GPX4: variants seen among roughly 807,000 people sequenced by gnomAD.
The protein encoded by GPX4 is glutathione peroxidase 4, also known as phospholipid hydroperoxide glutathione peroxidase GPX4.
In GPX4, 28 loss-of-function variants were observed where a neutral mutation model predicts 27.8. The observed-to-expected ratio is 1.01, with a 90% confidence interval of 0.75 to 1.38. The LOEUF (loss-of-function observed/expected upper bound fraction) is 1.38, where lower values mean the gene tolerates loss of function less well. Ranked by LOEUF, GPX4 falls within the 40% of genes most tolerant of loss-of-function variation. The pLI is 0.00. For missense variants in GPX4, 357 were observed against 274.1 expected (o/e 1.30, Z -2.14); for synonymous variants, 163 against 107.8 (o/e 1.51, Z -3.17).
At chr19:1,104,217 A>T in intron 1 of GPX4, 90 bp downstream of exon 1, 1 of 1,168,998 alleles carries the variant, frequency 8.6e-7, no homozygotes, top group Non-Finnish European at 1.1e-6. Flanking sequence ...GGGAACCCTC[A>T]GGCTCCAGTG....
intron 1 of GPX4, chr19:1,104,910 G>A (rs1324452027): frequency 7.1e-7 from 1 of 1,411,344 alleles, no homozygotes; most frequent in Non-Finnish European, 9.3e-7. Context: ...ATCCACGAAT[G>A]TCCCAAGTCC....
chr19:1,105,858 G>GGGGGGGGGC, intron 4 of GPX4, 49 bp downstream of exon 4: 1 of 613,746 alleles, frequency 1.6e-6, no homozygotes, highest in Non-Finnish European at 2.8e-6. Flanking sequence ...GGGTGGGGGG[G>GGGGGGGGGC]CTGCTGGGAT....
Position 1,103,999 on chromosome 19 carries a change from T to C in GPX4, c.-45T>C. ...CGGAAAGCCGACGCGCGTCCATTGG[T>C]CGGCTGGACGAGGGGAGGAGCCGCT... On this transcript the variant is annotated 5_prime_UTR_variant, in exon 1 of 7. Coordinates refer to ENST00000354171, the MANE Select transcript of GPX4 (RefSeq NM_002085.5). 2.0e-6 allele frequency: 3 copies of C among 1,497,308 alleles called. No individual in the cohort carries two copies. Among genetic ancestry groups the C allele is most frequent in the Non-Finnish European group, 2.7e-6 (3 of 1,124,470 alleles). 92.8% of individuals were successfully genotyped at this position (1,497,308 alleles called of 1,614,324 possible). A position where few individuals can be genotyped will look rare whatever the true frequency, so the allele number is the denominator to read the frequency against.
rs371365835 is a variant in GPX4, at chr19:1,106,384, C to T, written c.502-16C>T. 3 of 1,613,488 alleles carry T rather than the reference C, an allele frequency of 1.9e-6. No homozygotes were observed. The highest frequency in any genetic ancestry group is 1.6e-4 in the Middle Eastern group (1 of 6,062). On this transcript the variant is annotated splice_polypyrimidine_tract_variant and intron_variant, in intron 5 of 6. Coordinates refer to ENST00000354171, the MANE Select transcript of GPX4 (RefSeq NM_002085.5). The stretch of plus-strand genomic sequence containing the variant: ...TGCAGGGGTGGCCCCACAGTTTGGA[C>T]ACCGTCTCTCCACAGTTCCTCATCG...
At position 1,104,054 on chromosome 19, in the gene GPX4, G is replaced by T. The variant is rs1379818943; in HGVS notation, c.11G>T (p.Gly4Val). The T allele has an allele frequency of 2.0e-6, 3 of 1,519,106 alleles. No individual in the cohort carries two copies. Among genetic ancestry groups the T allele is most frequent in the East Asian group, 2.6e-5 (1 of 38,534 alleles). The allele number at this position is 1,519,106 out of a possible 1,614,324, so 94.1% of individuals were successfully genotyped here. Reference protein sequence around the residue: MSLGRLCRLLKPAL... With the variant: MSLVRLCRLLKPAL... The stretch of plus-strand genomic sequence containing the variant: ...CCCAGCCCCGCCGCGATGAGCCTCG[G>T]CCGCCTTTGCCGCCTACTGAAGCCG... The change falls in exon 1 of 7, where the codon GGC (glycine) becomes GTC (valine). Residue 4 changes from glycine (G) to valine (V), a missense_variant. Physicochemically the swap from Gly to Val is moderately radical, Grantham distance 109 (BLOSUM62 -3). Coordinates refer to ENST00000354171, the MANE Select transcript of GPX4 (RefSeq NM_002085.5).
intron 1 of GPX4, chr19:1,104,605 C>G (rs1039239534): frequency 1.0e-6 from 1 of 983,624 alleles, no homozygotes; most frequent in African/African-American, 1.7e-5. Context: ...CGGGCGCCGC[C>G]CCGCCCCCGC....
In GPX4 at chr19:1,106,775, A is replaced by C; in HGVS notation, c.*203A>C. ...CTACCTTGTGGGAATAAACAGACAA[A>C]TTAGCCTGCTGGATCTTTCTGCGTA... On this transcript the variant is annotated 3_prime_UTR_variant, in exon 7 of 7. Transcript: ENST00000354171. 1 of 636,916 alleles carries C rather than the reference A, an allele frequency of 1.6e-6. No individual in the cohort carries two copies. The highest frequency in any genetic ancestry group is 2.7e-6 in the Non-Finnish European group (1 of 374,076). 39.5% of individuals were successfully genotyped at this position (636,916 alleles called of 1,614,324 possible). A position where few individuals can be genotyped will look rare whatever the true frequency, so the allele number is the denominator to read the frequency against.
At position 1,105,203 on chromosome 19, in the gene GPX4, C is replaced by A; in HGVS notation, c.102C>A (p.Asp34Glu). Reference sequence around the variant, plus strand: ...CCTTGCAGTGCGCGTCCCGGGACGACTGGCGCTGTGCGCGCTCCATGCACG... The same window carrying A: ...CCTTGCAGTGCGCGTCCCGGGACGAATGGCGCTGTGCGCGCTCCATGCACG... Reference protein sequence around the residue: ...LAGTMCASRDDWRCARSMHEF... With the variant: ...LAGTMCASRDEWRCARSMHEF... The change falls in exon 2 of 7, where the codon GAC becomes GAA. Residue 34 changes from aspartate to glutamate, a missense_variant. Physicochemically the swap from Asp to Glu is conservative, Grantham distance 45. Transcript: ENST00000354171. The A allele has an allele frequency of 6.2e-7, 1 of 1,613,048 alleles. No homozygotes were observed. The highest frequency in any genetic ancestry group is 2.2e-5 in the East Asian group (1 of 44,878).
chr19:1,106,728 G>C lies in GPX4; in HGVS notation c.*156G>C. 1.1e-6 allele frequency: 1 copy of C among 941,490 alleles called. No individual in the cohort carries two copies. 58.3% of individuals were successfully genotyped at this position (941,490 alleles called of 1,614,324 possible). A position where few individuals can be genotyped will look rare whatever the true frequency, so the allele number is the denominator to read the frequency against. On this transcript the variant is annotated 3_prime_UTR_variant, in exon 7 of 7. Coordinates refer to ENST00000354171, the MANE Select transcript of GPX4 (RefSeq NM_002085.5). ...GAAGGTCCCATGGCCTGCTGGGCTT[G>C]GCTCGGCGCCCCCACCCCTGGCTAC... is the stretch of plus-strand genomic sequence containing the variant.
In GPX4 at chr19:1,105,624, C is replaced by T. The variant is rs201044864; in HGVS notation, c.325-34C>T. 1.0e-5 allele frequency: 16 copies of T among 1,589,966 alleles called. No homozygotes were observed. In the Admixed American group the frequency reaches 2.2e-4, roughly 22 times the overall value. ...GGGGCCCGGACTGAGGGGGTGCCAG[C>T]CCCCGACTCACTCACACACCTTGGC... On this transcript the variant is annotated intron_variant, in intron 3 of 6. Transcript: ENST00000354171.
At position 1,106,677 on chromosome 19, in the gene GPX4, A is replaced by G. The variant is rs1426600982; in HGVS notation, c.*105A>G. 4.7e-6 allele frequency: 7 copies of G among 1,498,542 alleles called. No homozygotes were observed. Among genetic ancestry groups the G allele is most frequent in the Non-Finnish European group, 6.4e-6 (7 of 1,098,434 alleles). 92.8% of individuals were successfully genotyped at this position (1,498,542 alleles called of 1,614,324 possible). ...CAAACCTGCTGGTGGGGCAGACCCG[A>G]AAATCCAGCGTGCACCCCGCCGGAG... On this transcript the variant is annotated 3_prime_UTR_variant, in exon 7 of 7. Coordinates refer to ENST00000354171, the MANE Select transcript of GPX4 (RefSeq NM_002085.5).
chr19:1,105,909 G>A (rs1375626897), intron 4 of GPX4, 100 bp downstream of exon 4: 18 of 1,383,402 alleles, frequency 1.3e-5, no homozygotes, highest in Admixed American at 2.1e-5. Context: ...TGGCTCGGGG[G>A]GCGGTTGCGG....
Position 1,106,432 on chromosome 19 carries a change from G to T in GPX4, c.534G>T (p.Lys178Asn). 2 of 1,613,502 alleles carry T rather than the reference G, an allele frequency of 1.2e-6. No individual in the cohort carries two copies. The highest frequency in any genetic ancestry group is 1.7e-6 in the Non-Finnish European group (2 of 1,179,948). Reference protein sequence around the residue: ...FLIDKNGCVVKRYGPMEEPLV... With the variant: ...FLIDKNGCVVNRYGPMEEPLV... Reference sequence around the variant, plus strand: ...TCGACAAGAACGGCTGCGTGGTGAAGCGCTACGGACCCATGGAGGAGCCCC... The same window carrying T: ...TCGACAAGAACGGCTGCGTGGTGAATCGCTACGGACCCATGGAGGAGCCCC... The change falls in exon 6 of 7, where the codon AAG becomes AAT. Residue 178 changes from lysine (K) to asparagine (N), a missense_variant. By Grantham distance (94) the Lys-to-Asn change is moderately conservative (BLOSUM62 0). Transcript: ENST00000354171.
Position 1,104,117 on chromosome 19 carries a change from C to G in GPX4, c.74C>G (p.Ala25Gly), listed in dbSNP as rs1189632976. ...LCGALAAPGL[A>G]GTMCASRDDW... ...GGGGCTCTGGCCGCGCCTGGCCTGG[C>G]CGGGACCATGGTGAGCTAGCGCCGC... Residue 25 changes from alanine (A) to glycine (G), a missense_variant, in exon 1 of 7, where the codon GCC (alanine) becomes GGC (glycine). By Grantham distance (60) the Ala-to-Gly change is moderately conservative. Transcript: ENST00000354171. 2.0e-6 allele frequency: 3 copies of G among 1,496,096 alleles called. No homozygotes were observed. Among genetic ancestry groups the G allele is most frequent in the Non-Finnish European group, 1.8e-6 (2 of 1,129,858 alleles). The allele number at this position is 1,496,096 out of a possible 1,614,324, so 92.7% of individuals were successfully genotyped here.
chr19:1,106,005 A>G, intron 4 of GPX4, 196 bp downstream of exon 4: 2 of 701,356 alleles, frequency 2.9e-6, no homozygotes, highest in Middle Eastern at 4.2e-4. Context: ...GCAGCCAGGG[A>G]TGCCCACACC....
At chr19:1,105,157 C>T (rs750347551) in intron 1 of GPX4, 29 bp from the exon 2 acceptor site, 2 of 1,610,818 alleles carry the variant, frequency 1.2e-6, no homozygotes, top group South Asian at 1.1e-5. Flanking sequence ...CCCGTCCACG[C>T]TCCCTGCTCA....
At position 1,105,746 on chromosome 19, in the gene GPX4, A is replaced by G. The variant is rs759105125; in HGVS notation, c.413A>G (p.Asp138Gly). The G allele has an allele frequency of 1.3e-6, 2 of 1,591,716 alleles. No individual in the cohort carries two copies. Among genetic ancestry groups the G allele is most frequent in the Admixed American group, 1.7e-5 (1 of 57,174 alleles). The change falls in exon 4 of 7, where the codon GAC becomes GGC. Residue 138 changes from aspartate (D) to glycine (G), a missense_variant. Coordinates refer to ENST00000354171, the MANE Select transcript of GPX4 (RefSeq NM_002085.5). The part of the protein sequence containing the change: ...DMFSKICVNG[D>G]DAHPLWKWMK... The stretch of plus-strand genomic sequence containing the variant: ...TTCAGCAAGATCTGCGTGAACGGGG[A>G]CGACGCCCACCCGCTGTGGAAGTGG...
chr19:1,104,096 C>T lies in GPX4; in HGVS notation c.53C>T (p.Ala18Val). The change falls in exon 1 of 7, where the codon GCT becomes GTT. Residue 18 changes from alanine (A) to valine (V), a missense_variant. Ala to Val is a moderately conservative substitution (Grantham distance 64, BLOSUM62 0). Transcript: ENST00000354171. Reference protein sequence around the residue: ...RLLKPALLCGALAAPGLAGTM... With the variant: ...RLLKPALLCGVLAAPGLAGTM... The stretch of plus-strand genomic sequence containing the variant: ...CTGAAGCCGGCGCTGCTCTGTGGGG[C>T]TCTGGCCGCGCCTGGCCTGGCCGGG... 5 of 1,510,820 alleles carry T rather than the reference C, an allele frequency of 3.3e-6. No individual in the cohort carries two copies. Among genetic ancestry groups the T allele is most frequent in the East Asian group, 2.7e-5 (1 of 37,294 alleles). The allele number at this position is 1,510,820 out of a possible 1,614,324, so 93.6% of individuals were successfully genotyped here. A position where few individuals can be genotyped will look rare whatever the true frequency, so the allele number is the denominator to read the frequency against.
rs531824867 is a variant in GPX4, at chr19:1,105,692, C to T, written c.359C>T (p.Ala120Val). 22 of 1,612,722 alleles carry T rather than the reference C, an allele frequency of 1.4e-5. No individual in the cohort carries two copies. The South Asian group carries it at 1.5e-4, about 11-fold the overall frequency. ...AGTAACGAAGAGATCAAAGAGTTCG[C>T]CGCGGGCTACAACGTCAAATTCGAT... ...PGSNEEIKEF[A>V]AGYNVKFDMF... The change falls in exon 4 of 7, where the codon GCC (alanine) becomes GTC (valine). Residue 120 changes from alanine (A) to valine (V), a missense_variant. Coordinates refer to ENST00000354171, the MANE Select transcript of GPX4 (RefSeq NM_002085.5).
Sources: gnomAD v4.1 joint callset for allele counts on GRCh38, gnomAD v4.1.1 for gene constraint, MANE v1.5 for transcripts, NCBI Gene and HGNC (gene_info 2026-07-23, HGNC 2026-07-21) for gene names.